Variants in CDC16 observed in about 807,000 individuals in gnomAD.
CDC16 encodes cell division cycle 16.
A neutral mutation model predicts 87.0 loss-of-function variants in CDC16; 34 were observed. The observed-to-expected ratio is 0.39, with a 90% CI of 0.30 to 0.52. The LOEUF is 0.52. Among genes scored for constraint, CDC16 ranks in the 20% least tolerant of loss-of-function variants. CDC16 has a pLI of 0.74. For missense variants in CDC16, 653 were observed against 751.9 expected (o/e 0.87, Z 1.54); for synonymous variants, 263 against 260.6 (o/e 1.01, Z -0.09).
chr13:114,268,166 G>T (rs1262025552), intron 17 of CDC16, among the ~76,000 whole-genome samples: 9 of 152,176 alleles, frequency 5.9e-5, no homozygotes, highest in Non-Finnish European at 1.0e-4. Context: ...AGAGCAGAGG[G>T]ATCCCCACAT....
At chr13:114,249,979 T>G (rs1440947368) in intron 11 of CDC16, among the ~76,000 whole-genome samples, 3 of 152,218 alleles carry the variant, frequency 2.0e-5, no homozygotes, top group Admixed American at 6.5e-5. Flanking sequence ...GTTTACTAAA[T>G]GGATGTTAAT....
chr13:114,259,550 C>T (rs895217375), intron 14 of CDC16, 152 bp downstream of exon 14: 1 of 497,888 alleles, frequency 2.0e-6, no homozygotes, highest in Non-Finnish European at 3.4e-6. Context: ...TGTCAGTTAA[C>T]TGTTTTACCA....
rs145529312 is a variant in CDC16, at chr13:114,260,799, A to C, written c.1315-1088A>C. On this transcript the variant is annotated intron_variant, in intron 14 of 17. Transcript: ENST00000356221. ...TCATTAAATGATTTGTTTTTCATTC[A>C]CATGGGCTGTGCCTCCTAGAACTGG... Among the ~76,000 whole-genome samples, 3 of 152,334 alleles carry C rather than the reference A, an allele frequency of 2.0e-5. No homozygotes were observed. In the East Asian group the frequency reaches 5.8e-4, roughly 29 times the overall value.
intron 14 of CDC16, among the ~76,000 whole-genome samples, chr13:114,259,713 CT>C (rs2082723174): frequency 6.6e-6 from 1 of 152,190 alleles, no homozygotes. Flanking sequence ...CAATTGGGCA[CT>C]GTAGCGTCAG....
At position 114,234,905 on chromosome 13, in the gene CDC16, G is replaced by C. The variant is rs369014347; in HGVS notation, c.-180G>C. ...AGCGGAAGAGCCTGGGCAGTGCACG[G>C]GGCCTGGGTGGGGGGTGCGGGTGTG... On this transcript the variant is annotated 5_prime_UTR_variant, in exon 1 of 18. Coordinates refer to ENST00000356221, the MANE Select transcript of CDC16 (RefSeq NM_001078645.3). The C allele has an allele frequency of 7.6e-6, 3 of 394,826 alleles. No homozygotes were observed. Among genetic ancestry groups the C allele is most frequent in the African/African-American group, 2.1e-5 (1 of 47,776 alleles). The allele number at this position is 394,826 out of a possible 1,614,324, so 24.5% of individuals were successfully genotyped here.
chr13:114,234,906 G>A lies in CDC16; in HGVS notation c.-179G>A, dbSNP rs1395798638. ...GCGGAAGAGCCTGGGCAGTGCACGG[G>A]GCCTGGGTGGGGGGTGCGGGTGTGG... On this transcript the variant is annotated 5_prime_UTR_variant, in exon 1 of 18. Transcript: ENST00000356221. 3 of 395,414 alleles carry A rather than the reference G, an allele frequency of 7.6e-6. No individual in the cohort carries two copies. The highest frequency in any genetic ancestry group is 3.7e-5 in the East Asian group (1 of 27,034). 24.5% of individuals were successfully genotyped at this position (395,414 alleles called of 1,614,324 possible).
intron 9 of CDC16, among the ~76,000 whole-genome samples, chr13:114,245,403 G>A (rs1474626335): frequency 6.6e-6 from 1 of 151,970 alleles, no homozygotes; most frequent in Non-Finnish European, 1.5e-5. Flanking sequence ...TTGTGTTTGG[G>A]GATGCATTTG....
chr13:114,257,101 T>G lies in CDC16; in HGVS notation c.1121T>G (p.Ile374Ser). 1 of 1,604,690 alleles carries G rather than the reference T, an allele frequency of 6.2e-7. No individual in the cohort carries two copies. The highest frequency in any genetic ancestry group is 8.5e-7 in the Non-Finnish European group (1 of 1,173,344). Reference protein sequence around the residue: ...MKGCHLPMLYIGLEYGLTNNS... With the variant: ...MKGCHLPMLYSGLEYGLTNNS... ...AGGTGTCATTTGCCTATGCTGTATA[T>G]TGGATTAGAATATGGTTTGACCAAT... is the stretch of plus-strand genomic sequence containing the variant. The change falls in exon 13 of 18, where the codon ATT (isoleucine) becomes AGT (serine). Residue 374 changes from isoleucine to serine, a missense_variant. Transcript: ENST00000356221.
intron 16 of CDC16, chr13:114,264,219 T>C (rs2139146302): frequency 6.6e-6 from 1 of 152,284 alleles, no homozygotes; most frequent in African/African-American, 2.4e-5. Context: ...TATTTGAGTA[T>C]TGTATAATTT....
chr13:114,246,088 T>TA (rs2081854803), intron 10 of CDC16, 39 bp downstream of exon 10: 1 of 952,324 alleles, frequency 1.1e-6, no homozygotes, highest in Non-Finnish European at 1.6e-6. Flanking sequence ...TTTTTTTTTT[T>TA]ACCTGTACTT....
intron 11 of CDC16, among the ~76,000 whole-genome samples, chr13:114,249,817 A>G (rs1179026483): frequency 6.6e-6 from 1 of 152,208 alleles, no homozygotes; most frequent in African/African-American, 2.4e-5. Context: ...AATATCTGTA[A>G]GTTCTATTTA....
In CDC16 at chr13:114,265,218, T is replaced by C. The variant is rs1566683379; in HGVS notation, c.1581T>C (p.Ile527=). The C allele has an allele frequency of 5.6e-6, 9 of 1,607,500 alleles. No individual in the cohort carries two copies. The Middle Eastern group carries it at 1.2e-3, about 207-fold the overall frequency. ...TTGGTCATTGCATCGAAATGTACAT[T>C]GGTGATTCTGAAGCTTATATTGGTA... ...TMLGHCIEMY[I]GDSEAYIGAD... is the part of the protein sequence containing the mutation. The change falls in exon 17 of 18, where the codon ATT becomes ATC. Residue 527 remains isoleucine (I), a synonymous_variant. Coordinates refer to ENST00000356221, the MANE Select transcript of CDC16 (RefSeq NM_001078645.3).
intron 11 of CDC16, among the ~76,000 whole-genome samples, chr13:114,248,276 C>A (rs145138647): frequency 6.6e-6 from 1 of 152,326 alleles, no homozygotes; most frequent in South Asian, 2.1e-4. Context: ...TGGTCTCTAA[C>A]GGAAACAGCA....
intron 12 of CDC16, among the ~76,000 whole-genome samples, chr13:114,252,807 A>G (rs1243445252): frequency 6.6e-6 from 1 of 152,170 alleles, no homozygotes; most frequent in Non-Finnish European, 1.5e-5. Flanking sequence ...CAATACCTTC[A>G]GTGTTTCCAA....
At chr13:114,247,333 A>T (rs1416474097) in intron 11 of CDC16, 125 of 183,644 alleles carry the variant, frequency 6.8e-4, no homozygotes, top group African/African-American at 2.1e-3. Context: ...TGATTTAAAC[A>T]TTTTTTTTTT....
intron 14 of CDC16, among the ~76,000 whole-genome samples, chr13:114,260,702 C>T (rs768302170): frequency 6.6e-6 from 1 of 152,070 alleles, no homozygotes; most frequent in African/African-American, 2.4e-5. Context: ...AAAAGTTATA[C>T]GAAGAGGGGG....
intron 12 of CDC16, among the ~76,000 whole-genome samples, chr13:114,251,883 A>G (rs1211825238): frequency 6.6e-6 from 1 of 152,022 alleles, no homozygotes; most frequent in Non-Finnish European, 1.5e-5. Flanking sequence ...TTGGATGAGA[A>G]CCTTACACGA....
At chr13:114,266,577 G>A (rs1300924716) in intron 17 of CDC16, among the ~76,000 whole-genome samples, 1 of 152,124 alleles carries the variant, frequency 6.6e-6, no homozygotes, top group Non-Finnish European at 1.5e-5. Flanking sequence ...CTAGCAAACA[G>A]TTTCCCTGCC....
intron 17 of CDC16, among the ~76,000 whole-genome samples, chr13:114,265,786 C>T (rs1005104479): frequency 6.6e-6 from 1 of 151,596 alleles, no homozygotes; most frequent in Non-Finnish European, 1.5e-5. Context: ...AGGAAAGTTG[C>T]AAGCTTGCTA....
Sources: gnomAD v4.1 joint callset for allele counts (sites outside exome capture counted in the v4.1 genomes callset) on GRCh38, gnomAD v4.1.1 for gene constraint, MANE v1.5 for transcripts, NCBI Gene and HGNC (gene_info 2026-07-23, HGNC 2026-07-21) for gene names.